The following SPATA6 variants were observed in gnomAD, a reference collection of about 807,000 sequenced individuals.
The protein encoded by SPATA6 is spermatogenesis-associated protein 6.
SPATA6 carries 56 observed loss-of-function variants against 65.3 expected under a neutral mutation model. The ratio of observed to expected loss-of-function variants is 0.86; its 90% CI spans 0.69 to 1.07. The LOEUF (loss-of-function observed/expected upper bound fraction) is 1.07. Ranked by LOEUF, SPATA6 falls within the 50% of genes least tolerant of loss-of-function variation. The probability of loss-of-function intolerance (pLI) is 0.00; values close to 1 mark genes in which losing one functional copy is unlikely to be tolerated. For synonymous variants in SPATA6, 199 were observed against 213.2 expected (o/e 0.93, Z 0.58); for missense variants, 590 against 594.8 (o/e 0.99, Z 0.08).
chr1:48,279,974 C>T, the SPATA6 span, among the ~76,000 whole-genome samples: 2 of 152,124 alleles, frequency 1.3e-5, no homozygotes, highest in Admixed American at 6.5e-5. Flanking sequence ...GAAATTATAA[C>T]AAACTGTCTC....
chr1:48,359,909 T>C lies in SPATA6; in HGVS notation c.910-139A>G, dbSNP rs904429479. Reference sequence around the variant, plus strand: ...AATTTTATAAAAGTAATAAAACATATGCCACAGCTATAAAGATAAAATTCA... The same window carrying C: ...AATTTTATAAAAGTAATAAAACATACGCCACAGCTATAAAGATAAAATTCA... On this transcript the variant is annotated intron_variant, in intron 9 of 12. Coordinates refer to ENST00000371847, the MANE Select transcript of SPATA6 (RefSeq NM_019073.4). 7 of 609,734 alleles carry C rather than the reference T, an allele frequency of 1.1e-5. No homozygotes were observed. In the African/African-American group the frequency reaches 1.3e-4, roughly 11 times the overall value. The allele number at this position is 609,734 out of a possible 1,614,324, so 37.8% of individuals were successfully genotyped here.
intron 9 of SPATA6, among the ~76,000 whole-genome samples, chr1:48,367,907 T>C (rs986071697): frequency 6.6e-6 from 1 of 152,234 alleles, no homozygotes; most frequent in African/African-American, 2.4e-5. Context: ...TCTTTATAAT[T>C]TGGCATGTTT....
the SPATA6 span, among the ~76,000 whole-genome samples, chr1:48,283,247 T>G: frequency 6.6e-6 from 1 of 150,772 alleles, no homozygotes; most frequent in South Asian, 2.1e-4. Context: ...GACGAGTTGA[T>G]GGGTGTAGCA....
chr1:48,450,872 C>A (rs1261277607), intron 3 of SPATA6, among the ~76,000 whole-genome samples: 2 of 152,152 alleles, frequency 1.3e-5, no homozygotes, highest in African/African-American at 2.4e-5. Context: ...ATTTTACTGG[C>A]CTTTTGAGCC....
chr1:48,358,319 G>T (rs1646713372), intron 10 of SPATA6, among the ~76,000 whole-genome samples: 1 of 149,118 alleles, frequency 6.7e-6, no homozygotes, highest in African/African-American at 2.5e-5. Context: ...TATGTGAAAA[G>T]GTAGAAAAAT....
the SPATA6 span, among the ~76,000 whole-genome samples, chr1:48,277,927 C>G: frequency 6.6e-6 from 1 of 152,230 alleles, no homozygotes; most frequent in Non-Finnish European, 1.5e-5. Flanking sequence ...CTGGGAGGCA[C>G]CCCTCAGTAG....
chr1:48,449,018 A>T (rs1656322788), intron 3 of SPATA6, among the ~76,000 whole-genome samples: 1 of 152,140 alleles, frequency 6.6e-6, no homozygotes, highest in South Asian at 2.1e-4. Context: ...ACAATGGGTG[A>T]ATTTTATGAT....
At position 48,298,213 on chromosome 1, in the gene SPATA6, A is replaced by G. The variant is rs888347884; in HGVS notation, c.*500T>C. On this transcript the variant is annotated 3_prime_UTR_variant, in exon 13 of 13. Transcript: ENST00000371847. The stretch of plus-strand genomic sequence containing the variant: ...AGAATAGCCTGTTCTGAAAAAGGAA[A>G]AAGTAGAAAATGTTAGTGAAAACAG... 1 of 152,226 alleles carries G rather than the reference A, an allele frequency of 6.6e-6. No individual in the cohort carries two copies. The highest frequency in any genetic ancestry group is 2.4e-5 in the African/African-American group (1 of 41,462). The allele number at this position is 152,226 out of a possible 1,614,324, so 9.4% of individuals were successfully genotyped here. A position where few individuals can be genotyped will look rare whatever the true frequency, so the allele number is the denominator to read the frequency against.
chr1:48,308,279 T>C (rs1408179759), intron 11 of SPATA6, among the ~76,000 whole-genome samples: 1 of 152,048 alleles, frequency 6.6e-6, no homozygotes, highest in African/African-American at 2.4e-5. Context: ...AATAACATCT[T>C]AATACAGAAG....
chr1:48,347,507 GTA>G (rs1646402880), intron 11 of SPATA6, among the ~76,000 whole-genome samples: 1 of 145,784 alleles, frequency 6.9e-6, no homozygotes, highest in Non-Finnish European at 1.5e-5. Context: ...TATATATAAT[GTA>G]TATATAATGT....
downstream of SPATA6, among the ~76,000 whole-genome samples, chr1:48,293,478 G>A (rs1644781504): frequency 6.6e-6 from 1 of 152,150 alleles, no homozygotes. Context: ...ATGTCTATCA[G>A]ATTGTTGTTT....
At chr1:48,290,814 G>T (rs772791826), downstream of SPATA6, among the ~76,000 whole-genome samples, 2 of 152,128 alleles carry the variant, frequency 1.3e-5, no homozygotes, top group Non-Finnish European at 2.9e-5. Flanking sequence ...AAATATATAT[G>T]CACACAACAC....
rs1055311064 is a variant in SPATA6, at chr1:48,444,153, T to C, written c.238+7399A>G. Among the ~76,000 whole-genome samples the C allele has an allele frequency of 1.4e-4, 22 of 152,310 alleles. No homozygotes were observed. The South Asian group carries it at 4.1e-3, about 29-fold the overall frequency. On this transcript the variant is annotated intron_variant, in intron 3 of 12. Transcript: ENST00000371847. ...AGTGGGGACTTGGAGAACTTTTGTG[T>C]CTAGCTAAAGGATTGTAAATGCACC...
At chr1:48,408,304 T>C (rs1651891675) in intron 5 of SPATA6, among the ~76,000 whole-genome samples, 1 of 152,234 alleles carries the variant, frequency 6.6e-6, no homozygotes, top group Non-Finnish European at 1.5e-5. Context: ...TCTTTTGAAA[T>C]GGCATGGGCT....
intron 3 of SPATA6, among the ~76,000 whole-genome samples, chr1:48,442,733 A>AAAAAC (rs1655632332): frequency 6.7e-6 from 1 of 149,272 alleles, no homozygotes; most frequent in South Asian, 2.2e-4. Flanking sequence ...AAAAAAAAAA[A>AAAAAC]AAAAAAAAAA....
At chr1:48,340,004 A>G (rs1646165127) in intron 11 of SPATA6, among the ~76,000 whole-genome samples, 1 of 151,992 alleles carries the variant, frequency 6.6e-6, no homozygotes, top group South Asian at 2.1e-4. Context: ...CAGAAGAGCA[A>G]AGAAAGAAGC....
intron 3 of SPATA6, among the ~76,000 whole-genome samples, chr1:48,422,925 CATA>C (rs1451401253): frequency 3.3e-5 from 5 of 151,974 alleles, no homozygotes; most frequent in African/African-American, 9.7e-5. Context: ...TAGTTTTATT[CATA>C]ATAATCCAAA....
chr1:48,299,415 G>A (rs1226917949), intron 12 of SPATA6, among the ~76,000 whole-genome samples: 3 of 143,010 alleles, frequency 2.1e-5, no homozygotes, highest in Non-Finnish European at 4.5e-5. Context: ...TCGGGAGGCT[G>A]AGGAAGAAGA....
intron 3 of SPATA6, among the ~76,000 whole-genome samples, chr1:48,421,084 A>C (rs138617696): frequency 1.8e-4 from 27 of 152,264 alleles, no homozygotes; most frequent in African/African-American, 4.6e-4. Context: ...TGATGAGTAC[A>C]AGATTACAGT....
Sources: allele counts gnomAD v4.1 joint callset (sites outside exome capture counted in the v4.1 genomes callset), GRCh38; gene constraint gnomAD v4.1.1; transcripts MANE v1.5; gene names NCBI Gene and HGNC (gene_info 2026-07-23, HGNC 2026-07-21).